The following SPRYD4 variants were observed in gnomAD, a reference collection of about 807,000 sequenced individuals.
SPRYD4 encodes SPRY domain-containing protein 4.
A neutral mutation model predicts 16.6 loss-of-function variants in SPRYD4; 12 were observed. That is an observed-to-expected ratio of 0.72 (90% CI 0.46 to 1.17). SPRYD4 has a LOEUF of 1.17. Ranked by LOEUF, SPRYD4 falls within the 50% of genes most tolerant of loss-of-function variation. The pLI is 0.00. For missense variants in SPRYD4, 260 were observed against 260.2 expected (o/e 1.00, Z 0.00); for synonymous variants, 98 against 105.4 (o/e 0.93, Z 0.43).
chr12:56,470,202 T>TC lies in SPRYD4; in HGVS notation c.*627dup, dbSNP rs2136174281. 1 of 153,360 alleles carries TC rather than the reference T, an allele frequency of 6.5e-6. No individual in the cohort carries two copies. The highest frequency in any genetic ancestry group is 2.0e-4 in the East Asian group (1 of 5,074). 9.5% of individuals were successfully genotyped at this position (153,360 alleles called of 1,614,324 possible). A position where few individuals can be genotyped will look rare whatever the true frequency, so the allele number is the denominator to read the frequency against. On this transcript the variant is annotated 3_prime_UTR_variant, in exon 2 of 2. Coordinates refer to ENST00000338146, the MANE Select transcript of SPRYD4 (RefSeq NM_207344.4). The stretch of plus-strand genomic sequence containing the variant: ...CAGCTGTAGCTATCCTTACCCTGAG[T>TC]CCATCTACCTTAAATCTGTACCTCT...
rs1870056069 is a variant in SPRYD4 at position 56,478,896 on chromosome 12, A to G, written c.*9319A>G. On this transcript the variant is annotated 3_prime_UTR_variant, in exon 2 of 2. Transcript: ENST00000338146. ...CTACTCGGGAGGCTGAGACAGGAGA[A>G]TCGCTTGAACCTGGGAGGTGGAGGT... 1.2e-6 allele frequency: 1 copy of G among 866,984 alleles called. No homozygotes were observed. Among genetic ancestry groups the G allele is most frequent in the South Asian group, 1.8e-5 (1 of 55,320 alleles). 53.7% of individuals were successfully genotyped at this position (866,984 alleles called of 1,614,324 possible). A position where few individuals can be genotyped will look rare whatever the true frequency, so the allele number is the denominator to read the frequency against.
rs1355800771 is a variant in SPRYD4, at chr12:56,473,043, C to A, written c.*3466C>A. The A allele has an allele frequency of 1.6e-6, 1 of 621,580 alleles. No homozygotes were observed. The highest frequency in any genetic ancestry group is 2.8e-6 in the Non-Finnish European group (1 of 362,904). The allele number at this position is 621,580 out of a possible 1,614,324, so 38.5% of individuals were successfully genotyped here. A position where few individuals can be genotyped will look rare whatever the true frequency, so the allele number is the denominator to read the frequency against. ...TAGCTGGGACCACAGGCGCGTGCCA[C>A]CACGTCTGGCTAATTTTTTGTATTT... On this transcript the variant is annotated 3_prime_UTR_variant, in exon 2 of 2. Transcript: ENST00000338146.
Position 56,478,211 on chromosome 12 carries a change from C to CA in SPRYD4, c.*8635dup. ...TGACCATCCACAGTGCACAGGGAGA[C>CA]ACCCCACAGGTCTGGGTTTGACTTG... On this transcript the variant is annotated 3_prime_UTR_variant, in exon 2 of 2. Coordinates refer to ENST00000338146, the MANE Select transcript of SPRYD4 (RefSeq NM_207344.4). The CA allele has an allele frequency of 6.8e-6, 11 of 1,614,244 alleles. No homozygotes were observed. The highest frequency in any genetic ancestry group is 9.3e-6 in the Non-Finnish European group (11 of 1,180,048).
In SPRYD4 at chr12:56,475,396, A is replaced by G; in HGVS notation, c.*5819A>G. On this transcript the variant is annotated 3_prime_UTR_variant, in exon 2 of 2. Coordinates refer to ENST00000338146, the MANE Select transcript of SPRYD4 (RefSeq NM_207344.4). ...AGTCTTGGCAAGAAAGGGCTTAGGC[A>G]CAAACCATCACACTGCCTCTCTCAT... is the stretch of plus-strand genomic sequence containing the variant. 1 of 726,878 alleles carries G rather than the reference A, an allele frequency of 1.4e-6. No individual in the cohort carries two copies. The highest frequency in any genetic ancestry group is 2.2e-6 in the Non-Finnish European group (1 of 451,708). The allele number at this position is 726,878 out of a possible 1,614,324, so 45.0% of individuals were successfully genotyped here.
chr12:56,475,309 C>A lies in SPRYD4; in HGVS notation c.*5732C>A. ...GCATAGTTTTGTTATAAAGTAAACC[C>A]AAACCAAACACCCCAAACTGTCTAG... is the stretch of plus-strand genomic sequence containing the variant. On this transcript the variant is annotated 3_prime_UTR_variant, in exon 2 of 2. Coordinates refer to ENST00000338146, the MANE Select transcript of SPRYD4 (RefSeq NM_207344.4). 1 of 1,358,808 alleles carries A rather than the reference C, an allele frequency of 7.4e-7. No individual in the cohort carries two copies. Among genetic ancestry groups the A allele is most frequent in the Non-Finnish European group, 9.9e-7 (1 of 1,007,194 alleles). The allele number at this position is 1,358,808 out of a possible 1,614,324, so 84.2% of individuals were successfully genotyped here. A position where few individuals can be genotyped will look rare whatever the true frequency, so the allele number is the denominator to read the frequency against.
chr12:56,474,270 G>A lies in SPRYD4; in HGVS notation c.*4693G>A. ...ACCCCCGGCTAATTTTTTGTATTTA[G>A]TAGAGATGGGGTTTCACCATGTAGG... On this transcript the variant is annotated 3_prime_UTR_variant, in exon 2 of 2. Coordinates refer to ENST00000338146, the MANE Select transcript of SPRYD4 (RefSeq NM_207344.4). 1 of 413,582 alleles carries A rather than the reference G, an allele frequency of 2.4e-6. No individual in the cohort carries two copies. Among genetic ancestry groups the A allele is most frequent in the Non-Finnish European group, 4.5e-6 (1 of 221,608 alleles). The allele number at this position is 413,582 out of a possible 1,614,324, so 25.6% of individuals were successfully genotyped here.
In SPRYD4 at chr12:56,473,773, T is replaced by C. The variant is rs934049413; in HGVS notation, c.*4196T>C. On this transcript the variant is annotated 3_prime_UTR_variant, in exon 2 of 2. Coordinates refer to ENST00000338146, the MANE Select transcript of SPRYD4 (RefSeq NM_207344.4). ...CTGTCCTTTCCTTCCCTTAAATTCA[T>C]TGATTCAGCTAGAAAATATTTTTTG... is the stretch of plus-strand genomic sequence containing the variant. The C allele has an allele frequency of 5.0e-5, 34 of 676,402 alleles. No individual in the cohort carries two copies. The African/African-American group carries it at 5.7e-4, about 11-fold the overall frequency. The allele number at this position is 676,402 out of a possible 1,614,324, so 41.9% of individuals were successfully genotyped here.
chr12:56,473,136 G>C lies in SPRYD4; in HGVS notation c.*3559G>C, dbSNP rs753677263. 24 of 1,149,724 alleles carry C rather than the reference G, an allele frequency of 2.1e-5. No homozygotes were observed. The South Asian group carries it at 3.2e-4, about 15-fold the overall frequency. The allele number at this position is 1,149,724 out of a possible 1,614,324, so 71.2% of individuals were successfully genotyped here. A position where few individuals can be genotyped will look rare whatever the true frequency, so the allele number is the denominator to read the frequency against. On this transcript the variant is annotated 3_prime_UTR_variant, in exon 2 of 2. Coordinates refer to ENST00000338146, the MANE Select transcript of SPRYD4 (RefSeq NM_207344.4). ...GATCTCCTGACCTTGTGATCCGCCC[G>C]CCTTGGCCTCTCAAAGTGCAGGGAT... is the stretch of plus-strand genomic sequence containing the variant.
rs1043011 is a variant in SPRYD4 at position 56,471,256 on chromosome 12, G to T, written c.*1679G>T. 0.17 allele frequency: 82,228 copies of T among 494,730 alleles called. 7,562 individuals are homozygous for T. The highest frequency in any genetic ancestry group is 0.23 in the Middle Eastern group (442 of 1,942). 30.6% of individuals were successfully genotyped at this position (494,730 alleles called of 1,614,324 possible). ...CCATTAGGCTGTACCTTGAAGCCCA[G>T]TCTCTCTGGATAGCTGTACTGCAGG... is the stretch of plus-strand genomic sequence containing the variant. On this transcript the variant is annotated 3_prime_UTR_variant, in exon 2 of 2. Transcript: ENST00000338146.
Position 56,478,542 on chromosome 12 carries a change from G to C in SPRYD4, c.*8965G>C. The C allele has an allele frequency of 2.3e-6, 1 of 437,758 alleles. No individual in the cohort carries two copies. Among genetic ancestry groups the C allele is most frequent in the Non-Finnish European group, 4.2e-6 (1 of 239,036 alleles). The allele number at this position is 437,758 out of a possible 1,614,324, so 27.1% of individuals were successfully genotyped here. ...CTTCCCCTTTTGGTTCTTAGGCTCAGTTACCCTATAAATCCCTTTGAAGGC... is the reference window on the plus strand; with the variant it reads ...CTTCCCCTTTTGGTTCTTAGGCTCACTTACCCTATAAATCCCTTTGAAGGC... On this transcript the variant is annotated 3_prime_UTR_variant, in exon 2 of 2. Coordinates refer to ENST00000338146, the MANE Select transcript of SPRYD4 (RefSeq NM_207344.4).
rs1869820917 is a variant in SPRYD4 at position 56,476,421 on chromosome 12, A to T, written c.*6844A>T. ...GTCTCCTAGCCCCACCCTATCCCTGATCTCCATCCCCATTCCTTACACCCC... is the reference window on the plus strand; with the variant it reads ...GTCTCCTAGCCCCACCCTATCCCTGTTCTCCATCCCCATTCCTTACACCCC... On this transcript the variant is annotated 3_prime_UTR_variant, in exon 2 of 2. Coordinates refer to ENST00000338146, the MANE Select transcript of SPRYD4 (RefSeq NM_207344.4). 1 of 192,158 alleles carries T rather than the reference A, an allele frequency of 5.2e-6. No homozygotes were observed. The highest frequency in any genetic ancestry group is 9.7e-5 in the South Asian group (1 of 10,320). 11.9% of individuals were successfully genotyped at this position (192,158 alleles called of 1,614,324 possible).
Position 56,472,693 on chromosome 12 carries a change from C to T in SPRYD4, c.*3116C>T, listed in dbSNP as rs753842932. ...TATTTGGTCACAGTAGCATTACCTT[C>T]GAAGAGCTGAGACATCGCCACTATA... On this transcript the variant is annotated 3_prime_UTR_variant, in exon 2 of 2. Transcript: ENST00000338146. 5.0e-6 allele frequency: 8 copies of T among 1,613,580 alleles called. No individual in the cohort carries two copies. Among genetic ancestry groups the T allele is most frequent in the East Asian group, 2.2e-5 (1 of 44,872 alleles).
Position 56,473,424 on chromosome 12 carries a change from G to A in SPRYD4, c.*3847G>A, listed in dbSNP as rs1565701627. ...AGTGGTACCATTAAACAAATTTATT[G>A]CTTCAAAAATAGTAAGTACTATATG... On this transcript the variant is annotated 3_prime_UTR_variant, in exon 2 of 2. Coordinates refer to ENST00000338146, the MANE Select transcript of SPRYD4 (RefSeq NM_207344.4). 6.2e-7 allele frequency: 1 copy of A among 1,603,470 alleles called. No homozygotes were observed. Among genetic ancestry groups the A allele is most frequent in the Non-Finnish European group, 8.5e-7 (1 of 1,173,764 alleles).
Position 56,475,046 on chromosome 12 carries a change from T to C in SPRYD4, c.*5469T>C. ...CTCTTCCGGCCTCTTCTGGTTACCT[T>C]CTTTTCCTTGAGATAATAGCCGATG... On this transcript the variant is annotated 3_prime_UTR_variant, in exon 2 of 2. Transcript: ENST00000338146. 1 of 1,614,154 alleles carries C rather than the reference T, an allele frequency of 6.2e-7. No individual in the cohort carries two copies. The highest frequency in any genetic ancestry group is 8.5e-7 in the Non-Finnish European group (1 of 1,180,030).
Position 56,476,061 on chromosome 12 carries a change from G to T in SPRYD4, c.*6484G>T. 2 of 1,346,208 alleles carry T rather than the reference G, an allele frequency of 1.5e-6. No homozygotes were observed. Among genetic ancestry groups the T allele is most frequent in the Non-Finnish European group, 1.1e-6 (1 of 950,756 alleles). 83.4% of individuals were successfully genotyped at this position (1,346,208 alleles called of 1,614,324 possible). A position where few individuals can be genotyped will look rare whatever the true frequency, so the allele number is the denominator to read the frequency against. ...GTCAGAAGGATCTAGTGGAGTTCTA[G>T]TGTTAGTCTGGTCCTGCTGCTGCAA... On this transcript the variant is annotated 3_prime_UTR_variant, in exon 2 of 2. Coordinates refer to ENST00000338146, the MANE Select transcript of SPRYD4 (RefSeq NM_207344.4).
In SPRYD4 at chr12:56,469,305, G is replaced by A. The variant is rs1869135839; in HGVS notation, c.352G>A (p.Asp118Asn). 2 of 1,614,174 alleles carry A rather than the reference G, an allele frequency of 1.2e-6. No individual in the cohort carries two copies. Among genetic ancestry groups the A allele is most frequent in the South Asian group, 2.2e-5 (2 of 91,080 alleles). The stretch of plus-strand genomic sequence containing the variant: ...GTCCCGGGATAGCTGCATTGGTGTT[G>A]ATGATCGTTCCTGGGTGTTCACCTA... ...DMSRDSCIGV[D>N]DRSWVFTYAQ... Residue 118 changes from aspartate (D) to asparagine (N), a missense_variant, in exon 2 of 2, where the codon GAT (aspartate) becomes AAT (asparagine). By Grantham distance (23) the Asp-to-Asn change is conservative. Coordinates refer to ENST00000338146, the MANE Select transcript of SPRYD4 (RefSeq NM_207344.4).
rs539709554 is a variant in SPRYD4, at chr12:56,469,197, G to A, written c.244G>A (p.Ala82Thr). The change falls in exon 2 of 2, where the codon GCG (alanine) becomes ACG (threonine). Residue 82 changes from alanine (A) to threonine (T), a missense_variant. Coordinates refer to ENST00000338146, the MANE Select transcript of SPRYD4 (RefSeq NM_207344.4). ...GTGGGCAGTGGTGCTGGCAGACACA[G>A]CGGTCACCAGTGGCAGACACTACTG... is the stretch of plus-strand genomic sequence containing the variant. ...REWAVVLADT[A>T]VTSGRHYWEV... 1.9e-6 allele frequency: 3 copies of A among 1,614,052 alleles called. No individual in the cohort carries two copies. The African/African-American group carries it at 4.0e-5, about 22-fold the overall frequency.
Position 56,474,893 on chromosome 12 carries a change from A to G in SPRYD4, c.*5316A>G. 6.2e-7 allele frequency: 1 copy of G among 1,614,162 alleles called. No homozygotes were observed. The highest frequency in any genetic ancestry group is 8.5e-7 in the Non-Finnish European group (1 of 1,180,024). ...GCCATCATGTCCACCCCCTTAGGAAAGCACTGCAAGGAAGAGAGGGGAGAG... is the reference window on the plus strand; with the variant it reads ...GCCATCATGTCCACCCCCTTAGGAAGGCACTGCAAGGAAGAGAGGGGAGAG... On this transcript the variant is annotated 3_prime_UTR_variant, in exon 2 of 2. Transcript: ENST00000338146.
Position 56,474,405 on chromosome 12 carries a change from G to A in SPRYD4, c.*4828G>A, listed in dbSNP as rs185926014. ...GGTGTTTTTGAGAAACTCGTCTAAG[G>A]AGTCTCAACCTAATTGCCTTCCTGG... On this transcript the variant is annotated 3_prime_UTR_variant, in exon 2 of 2. Transcript: ENST00000338146. 2,606 of 983,286 alleles carry A rather than the reference G, an allele frequency of 2.7e-3. 5 individuals are homozygous for A. The highest frequency in any genetic ancestry group is 3.7e-3 in the Middle Eastern group (12 of 3,242). 60.9% of individuals were successfully genotyped at this position (983,286 alleles called of 1,614,324 possible).
Sources: gnomAD v4.1 joint callset for allele counts on GRCh38, gnomAD v4.1.1 for gene constraint, MANE v1.5 for transcripts, NCBI Gene and HGNC (gene_info 2026-07-23, HGNC 2026-07-21) for gene names.